The following LMX1A variants were observed in gnomAD, a reference collection of about 807,000 sequenced individuals.
The protein encoded by LMX1A is LIM homeobox transcription factor 1-alpha.
LMX1A carries 15 observed loss-of-function variants against 49.1 expected under a neutral mutation model. That is an observed-to-expected ratio of 0.31 (90% CI 0.20 to 0.47). The LOEUF (loss-of-function observed/expected upper bound fraction) is 0.47. Ranked by LOEUF, LMX1A falls within the 20% of genes least tolerant of loss-of-function variation. The probability of loss-of-function intolerance (pLI) is 1.00; values close to 1 mark genes in which losing one functional copy is unlikely to be tolerated. For synonymous variants in LMX1A, 167 were observed against 185.7 expected (o/e 0.90, Z 0.82); for missense variants, 372 against 475.8 (o/e 0.78, Z 2.03).
intron 3 of LMX1A, among the ~76,000 whole-genome samples, chr1:165,352,174 G>A (rs1162030391): frequency 6.6e-6 from 1 of 152,256 alleles, no homozygotes; most frequent in Non-Finnish European, 1.5e-5. Flanking sequence ...CACGCCCGGA[G>A]AGAATAAGGA....
At chr1:165,297,666 A>G (rs1654654064) in intron 3 of LMX1A, among the ~76,000 whole-genome samples, 1 of 152,126 alleles carries the variant, frequency 6.6e-6, no homozygotes, top group South Asian at 2.1e-4. Flanking sequence ...AGGCCCCAAC[A>G]TTGAGCTTTT....
intron 3 of LMX1A, among the ~76,000 whole-genome samples, chr1:165,326,863 A>C (rs1285836656): frequency 6.6e-6 from 1 of 152,230 alleles, no homozygotes; most frequent in South Asian, 2.1e-4. Context: ...TTACAAGTGC[A>C]ATCACAATTG....
intron 3 of LMX1A, among the ~76,000 whole-genome samples, chr1:165,294,861 G>A (rs975466069): frequency 6.6e-6 from 1 of 152,184 alleles, no homozygotes; most frequent in Non-Finnish European, 1.5e-5. Flanking sequence ...CTACATGGGA[G>A]GCTGAGGCAG....
rs148315342 is a variant in LMX1A at position 165,344,308 on chromosome 1, C to T, written c.263+8768G>A. 1.2e-3 allele frequency among the ~76,000 whole-genome samples: 176 copies of T among 152,308 alleles called. 1 individual carries two copies. The highest frequency in any genetic ancestry group is 3.5e-3 in the African/African-American group (146 of 41,570). The stretch of plus-strand genomic sequence containing the variant: ...AGCTATGCCTGCATCCCTGTGAAGA[C>T]GGTGGCTGTCATTACCAGAGAACAC... On this transcript the variant is annotated intron_variant, in intron 3 of 8. Transcript: ENST00000342310.
chr1:165,298,458 C>T (rs910290600), intron 3 of LMX1A, among the ~76,000 whole-genome samples: 6 of 152,346 alleles, frequency 3.9e-5, no homozygotes, highest in African/African-American at 1.2e-4. Flanking sequence ...CTGCTATGGA[C>T]ACACACAGTC....
intron 3 of LMX1A, among the ~76,000 whole-genome samples, chr1:165,291,922 C>CGTG (rs1654478399): frequency 6.6e-6 from 1 of 152,072 alleles, no homozygotes; most frequent in Non-Finnish European, 1.5e-5. Flanking sequence ...ATTAGCCGGG[C>CGTG]ATGGTGGCGC....
chr1:165,325,832 G>T (rs1398039965), intron 3 of LMX1A, among the ~76,000 whole-genome samples: 1 of 152,070 alleles, frequency 6.6e-6, no homozygotes, highest in Non-Finnish European at 1.5e-5. Context: ...AATAAACCTG[G>T]AAAACACAAT....
chr1:165,251,170 C>A (rs1653048802), intron 3 of LMX1A, among the ~76,000 whole-genome samples: 1 of 151,438 alleles, frequency 6.6e-6, no homozygotes, highest in African/African-American at 2.4e-5. Flanking sequence ...GCAATGTCTG[C>A]CTCTTGGGTT....
intron 4 of LMX1A, among the ~76,000 whole-genome samples, chr1:165,247,054 C>CTTTTCTTTTTTTTTTTTTTTTTTTTTTTT (rs1652875747): frequency 1.9e-5 from 1 of 53,228 alleles, no homozygotes; most frequent in Non-Finnish European, 3.3e-5. Context: ...TCAGCTTTTT[C>CTTTTCTTTTTTTTTTTTTTTTTTTTTTTT]TTTTTTTTTT....
intron 3 of LMX1A, among the ~76,000 whole-genome samples, chr1:165,263,953 T>C (rs1157913390): frequency 1.3e-5 from 2 of 152,166 alleles, no homozygotes; most frequent in African/African-American, 2.4e-5. Context: ...GCTCCTGATA[T>C]GGTAGTGCTG....
intron 3 of LMX1A, among the ~76,000 whole-genome samples, chr1:165,298,564 T>A (rs1654689268): frequency 6.6e-6 from 1 of 152,216 alleles, no homozygotes; most frequent in Non-Finnish European, 1.5e-5. Context: ...GGCTAACCCC[T>A]GTCCAGGGCC....
chr1:165,225,268 T>C (rs972937922), intron 4 of LMX1A, among the ~76,000 whole-genome samples: 16 of 152,206 alleles, frequency 1.1e-4, no homozygotes, highest in Admixed American at 3.9e-4. Flanking sequence ...TGCTTCGTCA[T>C]TGGTGAGAAC....
chr1:165,355,739 G>A lies in LMX1A; in HGVS notation c.-22-158C>T, dbSNP rs767055424. 1.6e-6 allele frequency: 1 copy of A among 617,892 alleles called. No individual in the cohort carries two copies. The highest frequency in any genetic ancestry group is 2.8e-5 in the East Asian group (1 of 36,352). 38.3% of individuals were successfully genotyped at this position (617,892 alleles called of 1,614,324 possible). ...GCCAAGAGAATGTAGGGTGGGAGGA[G>A]AGATCAGTCACAGCGAACTGCTCTG... On this transcript the variant is annotated intron_variant, in intron 1 of 8. Transcript: ENST00000342310. The surrounding 1 kb of genome is among the most constrained non-coding windows in gnomAD (Gnocchi z 4.7).
intron 3 of LMX1A, among the ~76,000 whole-genome samples, chr1:165,260,628 A>T (rs1653405711): frequency 6.6e-6 from 1 of 152,198 alleles, no homozygotes; most frequent in Admixed American, 6.5e-5. Flanking sequence ...AAAACCAATG[A>T]TTACATTCCT....
chr1:165,240,468 C>G (rs1048332252), intron 4 of LMX1A, among the ~76,000 whole-genome samples: 27 of 152,150 alleles, frequency 1.8e-4, no homozygotes, highest in African/African-American at 5.8e-4. Context: ...AAGATGTTGG[C>G]TTTGAGATGT....
At chr1:165,227,826 T>G (rs1652090092) in intron 4 of LMX1A, among the ~76,000 whole-genome samples, 1 of 152,212 alleles carries the variant, frequency 6.6e-6, no homozygotes, top group Non-Finnish European at 1.5e-5. Flanking sequence ...AAAGTCTTGG[T>G]TTTTGTTTTT....
At chr1:165,316,585 C>T (rs988164436) in intron 3 of LMX1A, among the ~76,000 whole-genome samples, 1 of 152,174 alleles carries the variant, frequency 6.6e-6, no homozygotes, top group African/African-American at 2.4e-5. Context: ...TGGGGCTTCC[C>T]GGCTGGTACT....
At chr1:165,322,474 C>T (rs967240689) in intron 3 of LMX1A, among the ~76,000 whole-genome samples, 9 of 152,046 alleles carry the variant, frequency 5.9e-5, no homozygotes, top group Non-Finnish European at 1.0e-4. Context: ...TGTATATATA[C>T]GGTGGAATAT....
chr1:165,308,554 C>T lies in LMX1A; in HGVS notation c.263+44522G>A, dbSNP rs545939986. Among the ~76,000 whole-genome samples the T allele has an allele frequency of 3.9e-4, 60 of 152,328 alleles. 1 individual carries two copies. In the South Asian group the frequency reaches 9.3e-3, roughly 24 times the overall value. ...TAATTTTTTAAAACAGTACTGAGCA[C>T]GTACTTGGTGATTCGCACTTTCTCA... On this transcript the variant is annotated intron_variant, in intron 3 of 8. Transcript: ENST00000342310.
Sources: gnomAD v4.1 joint callset for allele counts (sites outside exome capture counted in the v4.1 genomes callset) on GRCh38, gnomAD v4.1.1 for gene constraint, Gnocchi (gnomAD v3.1) non-coding constraint, MANE v1.5 for transcripts, NCBI Gene and HGNC (gene_info 2026-07-23, HGNC 2026-07-21) for gene names.